The following SLCO5A1 variants were observed in gnomAD, a reference collection of about 807,000 sequenced individuals.
The protein encoded by SLCO5A1 is solute carrier organic anion transporter family member 5A1.
Under a neutral mutation model 65.1 loss-of-function variants are expected in SLCO5A1, and 39 were observed. The observed-to-expected ratio is 0.60, with a 90% confidence interval of 0.46 to 0.78. SLCO5A1 has a LOEUF of 0.78. Among genes scored for constraint, SLCO5A1 ranks in the 30% least tolerant of loss-of-function variants. The pLI is 0.00. For synonymous variants in SLCO5A1, 438 were observed against 415.7 expected (o/e 1.05, Z -0.65); for missense variants, 1,029 against 1,069.4 (o/e 0.96, Z 0.53).
intron 6 of SLCO5A1, among the ~76,000 whole-genome samples, chr8:69,688,635 A>G (rs1184093281): frequency 2.0e-5 from 3 of 151,968 alleles, no homozygotes; most frequent in Admixed American, 1.3e-4. Flanking sequence ...ATGATTTCCA[A>G]TTTCATCCAT....
At chr8:69,726,514 TG>T (rs1554613254) in intron 5 of SLCO5A1, among the ~76,000 whole-genome samples, 2 of 137,382 alleles carry the variant, frequency 1.5e-5, no homozygotes, top group Admixed American at 7.2e-5. Context: ...TTTTTTTTTT[TG>T]GGGGGACAGA....
intron 2 of SLCO5A1, among the ~76,000 whole-genome samples, chr8:69,802,323 T>G (rs1236633671): frequency 6.6e-6 from 1 of 151,668 alleles, no homozygotes; most frequent in Non-Finnish European, 1.5e-5. Flanking sequence ...GGCAACATAG[T>G]GAGACCTCAT....
At chr8:69,788,250 A>C (rs1819120028) in intron 2 of SLCO5A1, among the ~76,000 whole-genome samples, 1 of 152,204 alleles carries the variant, frequency 6.6e-6, no homozygotes, top group Non-Finnish European at 1.5e-5. Context: ...ATAAGTGTGA[A>C]ATTTATGTTT....
intron 2 of SLCO5A1, among the ~76,000 whole-genome samples, chr8:69,826,009 G>T (rs1820893869): frequency 6.6e-6 from 1 of 152,174 alleles, no homozygotes; most frequent in African/African-American, 2.4e-5. Flanking sequence ...TGACAAACTG[G>T]ACAAAAACAA....
At chr8:69,696,358 C>T (rs1213118650) in intron 6 of SLCO5A1, among the ~76,000 whole-genome samples, 1 of 152,174 alleles carries the variant, frequency 6.6e-6, no homozygotes, top group South Asian at 2.1e-4. Context: ...GAAAGAGGAG[C>T]CAGCCTGCCC....
chr8:69,777,822 C>T (rs999880060), intron 2 of SLCO5A1, among the ~76,000 whole-genome samples: 3 of 152,176 alleles, frequency 2.0e-5, no homozygotes, highest in African/African-American at 7.2e-5. Flanking sequence ...GACTGGATGC[C>T]AGAAGCAGAC....
chr8:69,676,473 G>T, intron 9 of SLCO5A1, 136 bp downstream of exon 9: 1 of 623,340 alleles, frequency 1.6e-6, no homozygotes, highest in Non-Finnish European at 2.7e-6. Context: ...AAACAAGGAA[G>T]TTGTACCCTC....
At chr8:69,821,805 C>CA (rs11284619) in intron 2 of SLCO5A1, among the ~76,000 whole-genome samples, 1,163 of 115,190 alleles carry the variant, frequency 0.01, 17 homozygotes, top group African/African-American at 0.029. Context: ...GACTTTGTCT[C>CA]AAAAAAAAAA....
chr8:69,796,365 G>A (rs1457121398), intron 2 of SLCO5A1, among the ~76,000 whole-genome samples: 1 of 151,808 alleles, frequency 6.6e-6, no homozygotes, highest in African/African-American at 2.4e-5. Flanking sequence ...TGTAATCACA[G>A]CATTTTGGTA....
chr8:69,807,396 A>G (rs1161199701), intron 2 of SLCO5A1, among the ~76,000 whole-genome samples: 1 of 152,210 alleles, frequency 6.6e-6, no homozygotes, highest in Non-Finnish European at 1.5e-5. Context: ...CAGATATACA[A>G]TACATTATTA....
intron 2 of SLCO5A1, among the ~76,000 whole-genome samples, chr8:69,823,998 A>G (rs1820760998): frequency 6.6e-6 from 1 of 152,262 alleles, no homozygotes; most frequent in South Asian, 2.1e-4. Flanking sequence ...CACTACATGG[A>G]AACAAAACAA....
At chr8:69,741,692 G>T (rs1175711191) in intron 4 of SLCO5A1, among the ~76,000 whole-genome samples, 1 of 152,184 alleles carries the variant, frequency 6.6e-6, no homozygotes, top group African/African-American at 2.4e-5. Flanking sequence ...TATGTACTGA[G>T]CATAGCATCA....
chr8:69,822,454 C>T (rs1391887393), intron 2 of SLCO5A1, among the ~76,000 whole-genome samples: 1 of 152,206 alleles, frequency 6.6e-6, no homozygotes. Context: ...ATTACGAAAA[C>T]ACTGATCAAA....
At chr8:69,809,736 G>A (rs1193367753) in intron 2 of SLCO5A1, among the ~76,000 whole-genome samples, 1 of 149,736 alleles carries the variant, frequency 6.7e-6, no homozygotes. Flanking sequence ...GGAGTGTGGT[G>A]TGTGTGTGTG....
intron 4 of SLCO5A1, among the ~76,000 whole-genome samples, chr8:69,742,794 C>CTTTTTTTTTTTTTTTTTTTT (rs10633803): frequency 1.2e-5 from 1 of 83,190 alleles, no homozygotes; most frequent in Non-Finnish European, 2.1e-5. Context: ...TGAGTGGATT[C>CTTTTTTTTTTTTTTTTTTTT]TTTTTTTTTT....
At chr8:69,773,801 A>G (rs1173302389) in intron 2 of SLCO5A1, among the ~76,000 whole-genome samples, 4 of 152,082 alleles carry the variant, frequency 2.6e-5, no homozygotes, top group African/African-American at 9.7e-5. Flanking sequence ...CCACTCAGAT[A>G]CCCTTCTCCC....
chr8:69,829,502 A>G (rs887507033), intron 2 of SLCO5A1, among the ~76,000 whole-genome samples: 32 of 152,334 alleles, frequency 2.1e-4, no homozygotes, highest in African/African-American at 7.5e-4. Flanking sequence ...CCTGGGAAAC[A>G]TGATGAAACT....
Position 69,674,870 on chromosome 8 carries a change from C to CAA in SLCO5A1, c.2090-1546_2090-1545dup, listed in dbSNP as rs11378444. 4.4e-3 allele frequency among the ~76,000 whole-genome samples: 607 copies of CAA among 137,616 alleles called. 1 individual carries two copies. The highest frequency in any genetic ancestry group is 0.01 in the East Asian group (48 of 4,660). The allele number at this position is 137,616 out of a possible 152,430, so 90.3% of individuals were successfully genotyped here. ...ACCCCATCTCTACTAAAAAAAAAAACAAAAAAAAAAAATGCAAAAATTAGC... is the reference window on the plus strand; with the variant it reads ...ACCCCATCTCTACTAAAAAAAAAAACAAAAAAAAAAAAAATGCAAAAATTAGC... On this transcript the variant is annotated intron_variant, in intron 9 of 9. Coordinates refer to ENST00000260126, the MANE Select transcript of SLCO5A1 (RefSeq NM_030958.3).
chr8:69,803,350 G>A (rs779271507), intron 2 of SLCO5A1, among the ~76,000 whole-genome samples: 2 of 152,198 alleles, frequency 1.3e-5, no homozygotes, highest in African/African-American at 2.4e-5. Flanking sequence ...CTGGGAGGCA[G>A]AGGTTGCCGT....
Sources: gnomAD v4.1 joint callset for allele counts (sites outside exome capture counted in the v4.1 genomes callset) on GRCh38, gnomAD v4.1.1 for gene constraint, MANE v1.5 for transcripts, NCBI Gene and HGNC (gene_info 2026-07-23, HGNC 2026-07-21) for gene names.